The following TUSC3 variants were observed in gnomAD, a reference collection of about 807,000 sequenced individuals.
TUSC3 encodes the protein dolichyl-diphosphooligosaccharide--protein glycosyltransferase subunit TUSC3.
A neutral mutation model predicts 44.8 loss-of-function variants in TUSC3; 45 were observed. The ratio of observed to expected loss-of-function variants is 1.00; its 90% CI spans 0.79 to 1.29. The LOEUF is 1.29. Ranked by LOEUF, TUSC3 falls within the 50% of genes most tolerant of loss-of-function variation. The pLI is 0.00. For synonymous variants in TUSC3, 212 were observed against 152.9 expected, an observed-to-expected ratio of 1.39 and a Z score of -2.85; for missense variants, 519 against 437.9, an observed-to-expected ratio of 1.19 and a Z score of -1.65.
the TUSC3 span, chr8:15,806,428 A>C: frequency 1.5e-6 from 1 of 661,708 alleles, no homozygotes; most frequent in East Asian, 2.7e-5. Flanking sequence ...TTTGGAAACC[A>C]GAGAAAAAAA....
intron 6 of TUSC3, among the ~76,000 whole-genome samples, chr8:15,675,193 G>A (rs1808129160): frequency 6.6e-6 from 1 of 152,078 alleles, no homozygotes; most frequent in Non-Finnish European, 1.5e-5. Flanking sequence ...ATAAAGAAGG[G>A]CCTGATGCAA....
intron 5 of TUSC3, among the ~76,000 whole-genome samples, chr8:15,669,405 C>T (rs1807838594): frequency 6.6e-6 from 1 of 151,790 alleles, no homozygotes; most frequent in South Asian, 2.1e-4. Flanking sequence ...GCAAGACTAA[C>T]TTTGATTCTA....
chr8:15,474,790 G>C (rs79920404), intron 1 of TUSC3, among the ~76,000 whole-genome samples: 11,315 of 152,134 alleles, frequency 0.074, 452 homozygotes, highest in South Asian at 0.11. Flanking sequence ...AAGTTTAGAA[G>C]TTGGTGTTTA....
At chr8:15,635,608 TGA>T (rs1281323381) in intron 2 of TUSC3, among the ~76,000 whole-genome samples, 1 of 152,158 alleles carries the variant, frequency 6.6e-6, no homozygotes, top group East Asian at 1.9e-4. Context: ...ACTCTCACAG[TGA>T]GAGTCGTAAT....
the TUSC3 span, among the ~76,000 whole-genome samples, chr8:15,824,664 C>T: frequency 9.2e-5 from 14 of 151,990 alleles, no homozygotes; most frequent in African/African-American, 1.5e-4. Flanking sequence ...TGTTAAATGA[C>T]GAGTTAATGG....
At position 15,631,352 on chromosome 8, in the gene TUSC3, C is replaced by T. The variant is rs560022034; in HGVS notation, c.308+8103C>T. On this transcript the variant is annotated intron_variant, in intron 2 of 10. Transcript: ENST00000503731. ...ATTTTTACTGTTTACAGCAAACGTTCATTATATATGTGACATTGTAGCATT... is the reference window on the plus strand; with the variant it reads ...ATTTTTACTGTTTACAGCAAACGTTTATTATATATGTGACATTGTAGCATT... Among the ~76,000 whole-genome samples the T allele has an allele frequency of 9.2e-5, 14 of 152,216 alleles. 1 individual carries two copies. In the Middle Eastern group the frequency reaches 0.014, roughly 148 times the overall value.
At chr8:15,654,135 C>T (rs77402666) in intron 3 of TUSC3, among the ~76,000 whole-genome samples, 3,126 of 152,220 alleles carry the variant, frequency 0.021, 107 homozygotes, top group African/African-American at 0.071. Flanking sequence ...TTAAGAACCT[C>T]TAAAGTTTTA....
chr8:15,598,865 T>C (rs1326791360), intron 1 of TUSC3, among the ~76,000 whole-genome samples: 1 of 151,864 alleles, frequency 6.6e-6, no homozygotes, highest in Non-Finnish European at 1.5e-5. Context: ...TGGTTGCTTC[T>C]GAGTTTTGGT....
Position 15,571,261 on chromosome 8 carries a change from AT to A in TUSC3, c.138+30701del, listed in dbSNP as rs991057982. Among the ~76,000 whole-genome samples, 26 of 151,864 alleles carry A rather than the reference AT, an allele frequency of 1.7e-4. 1 individual carries two copies. The highest frequency in any genetic ancestry group is 1.4e-3 in the East Asian group (7 of 5,152). On this transcript the variant is annotated intron_variant, in intron 1 of 10. Coordinates refer to ENST00000503731, the MANE Select transcript of TUSC3 (RefSeq NM_006765.4). ...GAGCCGCTGCTACCCACCGCTATTA[AT>A]TTTTTTTAATGAAATTGTTTTATAC...
At chr8:15,676,263 T>G (rs966896909) in intron 6 of TUSC3, among the ~76,000 whole-genome samples, 1 of 152,174 alleles carries the variant, frequency 6.6e-6, no homozygotes, top group African/African-American at 2.4e-5. Flanking sequence ...TGTTGCCCGC[T>G]TATCTGTCTT....
intron 6 of TUSC3, among the ~76,000 whole-genome samples, chr8:15,724,001 G>C (rs994023620): frequency 3.9e-5 from 6 of 152,140 alleles, no homozygotes; most frequent in Non-Finnish European, 8.8e-5. Flanking sequence ...CAGTGTGACT[G>C]TTTGGACGTG....
chr8:15,779,560 A>G, the TUSC3 span, among the ~76,000 whole-genome samples: 3 of 152,230 alleles, frequency 2.0e-5, no homozygotes, highest in South Asian at 4.1e-4. Flanking sequence ...TTCAGTAAGT[A>G]CTTTAAAAAC....
chr8:15,788,836 C>A, the TUSC3 span, among the ~76,000 whole-genome samples: 1 of 152,158 alleles, frequency 6.6e-6, no homozygotes, highest in Non-Finnish European at 1.5e-5. Context: ...CAAAGCCACT[C>A]TCTTAGTAAT....
upstream of TUSC3, among the ~76,000 whole-genome samples, chr8:15,539,441 C>T (rs926029539): frequency 9.0e-5 from 13 of 143,854 alleles, no homozygotes; most frequent in Non-Finnish European, 1.3e-4. Context: ...CAACCTCTGC[C>T]TCCCGGGTTT....
intron 1 of TUSC3, among the ~76,000 whole-genome samples, chr8:15,472,619 A>C (rs954950002): frequency 1.3e-5 from 2 of 152,174 alleles, no homozygotes; most frequent in Non-Finnish European, 2.9e-5. Flanking sequence ...CTTCTGAAAC[A>C]CAGCTCATTT....
At chr8:15,801,608 G>A in the TUSC3 span, among the ~76,000 whole-genome samples, 7 of 152,100 alleles carry the variant, frequency 4.6e-5, no homozygotes, top group African/African-American at 1.7e-4. Flanking sequence ...GGGTAAATTG[G>A]AGGCAGTATA....
rs1585305883 is a variant in TUSC3 at position 15,753,747 on chromosome 8, TAA to T, written c.1029-4041_1029-4040del. Among the ~76,000 whole-genome samples, 3 of 152,028 alleles carry T rather than the reference TAA, an allele frequency of 2.0e-5. No homozygotes were observed. In the South Asian group the frequency reaches 6.2e-4, roughly 32 times the overall value. On this transcript the variant is annotated intron_variant, in intron 9 of 10. Coordinates refer to ENST00000503731, the MANE Select transcript of TUSC3 (RefSeq NM_006765.4). Reference sequence around the variant, plus strand: ...GACAAACATCGAAAACAAATGTGACTAAAAGACTGCAGAGATATATAGCAGAG... The same window carrying T: ...GACAAACATCGAAAACAAATGTGACTAAGACTGCAGAGATATATAGCAGAG...
At chr8:15,504,204 C>CA (rs1198685466) in intron 2 of TUSC3, among the ~76,000 whole-genome samples, 1 of 152,000 alleles carries the variant, frequency 6.6e-6, no homozygotes, top group African/African-American at 2.4e-5. Flanking sequence ...CTGGTTCTGT[C>CA]ACTTGCCAGC....
chr8:15,694,987 T>C (rs1290741447), intron 6 of TUSC3, among the ~76,000 whole-genome samples: 3 of 152,194 alleles, frequency 2.0e-5, no homozygotes, highest in Admixed American at 6.5e-5. Flanking sequence ...CATCCAAGCA[T>C]GTGTTTGCAC....
Sources: gnomAD v4.1 joint callset for allele counts (sites outside exome capture counted in the v4.1 genomes callset) on GRCh38, gnomAD v4.1.1 for gene constraint, MANE v1.5 for transcripts, NCBI Gene and HGNC (gene_info 2026-07-23, HGNC 2026-07-21) for gene names.